The following SPDYE4 variants were observed in gnomAD, a reference collection of about 807,000 sequenced individuals.
SPDYE4 encodes speedy protein E4.
A neutral mutation model predicts 37.5 loss-of-function variants in SPDYE4; 30 were observed. The observed-to-expected ratio is 0.80, with a 90% confidence interval of 0.60 to 1.09. The LOEUF is 1.09. SPDYE4 is among the 50% of genes least tolerant of loss of function. The pLI is 0.00. For missense variants in SPDYE4, 300 were observed against 307.9 expected (o/e 0.97, Z 0.19); for synonymous variants, 131 against 120.3 (o/e 1.09, Z -0.58).
chr17:8,752,464 C>T (rs753231142), intron 6 of SPDYE4, among the ~76,000 whole-genome samples: 5 of 152,130 alleles, frequency 3.3e-5, no homozygotes, highest in African/African-American at 4.8e-5. Flanking sequence ...CAAGGTTAGC[C>T]CCAGTGATCT....
rs866484055 is a variant in SPDYE4 at position 8,757,329 on chromosome 17, C to T, written c.273G>A (p.Met91Ile). Residue 91 changes from methionine (M) to isoleucine (I), a missense_variant, in exon 2 of 7, where the codon ATG becomes ATA. Transcript: ENST00000689094. ...AGGATGCTCGCTTTCGCTTCAGCTT[C>T]ATCTTGAGCCCACACAGCGTCTCCA... ...WVVETLCGLK[M>I]KLKRKRASSV... 2.5e-6 allele frequency: 4 copies of T among 1,602,456 alleles called. No individual in the cohort carries two copies. In the East Asian group the frequency reaches 6.7e-5, roughly 27 times the overall value.
intron 3 of SPDYE4, among the ~76,000 whole-genome samples, 200 bp downstream of exon 3, chr17:8,756,178 C>T (rs1364693924): frequency 6.6e-6 from 1 of 152,156 alleles, no homozygotes; most frequent in Admixed American, 6.5e-5. Context: ...ATGATGGCAA[C>T]ACTGCATTCC....
intron 1 of SPDYE4, among the ~76,000 whole-genome samples, 180 bp downstream of exon 1, chr17:8,758,094 C>T (rs2086789470): frequency 6.6e-6 from 1 of 152,268 alleles, no homozygotes; most frequent in South Asian, 2.1e-4. Context: ...CCCAGACTTT[C>T]TTTACACGTG....
In SPDYE4 at chr17:8,754,671, C is replaced by T. The variant is rs555199665; in HGVS notation, c.485+849G>A. ...TTTGGGGAAAAGGAGGGCAGATAAA[C>T]GAATCCAAAATGTCACATTATCCTA... On this transcript the variant is annotated intron_variant, in intron 4 of 6. Coordinates refer to ENST00000689094, the MANE Select transcript of SPDYE4 (RefSeq NM_001394956.1). 1.2e-4 allele frequency among the ~76,000 whole-genome samples: 18 copies of T among 152,276 alleles called. No individual in the cohort carries two copies. The South Asian group carries it at 1.5e-3, about 12-fold the overall frequency.
rs968506957 is a variant in SPDYE4 at position 8,757,330 on chromosome 17, A to T, written c.272T>A (p.Met91Lys). ...WVVETLCGLKMKLKRKRASSV... is the reference protein window; with the variant it reads ...WVVETLCGLKKKLKRKRASSV... Reference sequence around the variant, plus strand: ...GGATGCTCGCTTTCGCTTCAGCTTCATCTTGAGCCCACACAGCGTCTCCAC... The same window carrying T: ...GGATGCTCGCTTTCGCTTCAGCTTCTTCTTGAGCCCACACAGCGTCTCCAC... The change falls in exon 2 of 7, where the codon ATG becomes AAG. Residue 91 changes from methionine to lysine, a missense_variant. Coordinates refer to ENST00000689094, the MANE Select transcript of SPDYE4 (RefSeq NM_001394956.1). 7 of 1,602,576 alleles carry T rather than the reference A, an allele frequency of 4.4e-6. No individual in the cohort carries two copies. Among genetic ancestry groups the T allele is most frequent in the Non-Finnish European group, 6.0e-6 (7 of 1,174,438 alleles).
At position 8,756,369 on chromosome 17, in the gene SPDYE4, C is replaced by G. The variant is rs34855981; in HGVS notation, c.399+9G>C. 1 of 1,613,472 alleles carries G rather than the reference C, an allele frequency of 6.2e-7. No homozygotes were observed. Among genetic ancestry groups the G allele is most frequent in the African/African-American group, 1.3e-5 (1 of 74,902 alleles). On this transcript the variant is annotated intron_variant, in intron 3 of 6. Coordinates refer to ENST00000689094, the MANE Select transcript of SPDYE4 (RefSeq NM_001394956.1). ...AGCAGGAACACAGTTGAGTGGAGAA[C>G]AACCTTACCTTGTCTGACACCCTCA...
chr17:8,755,595 G>C lies in SPDYE4; in HGVS notation c.410C>G (p.Ala137Gly). Residue 137 changes from alanine (A) to glycine (G), a missense_variant, in exon 4 of 7, where the codon GCT becomes GGT. Physicochemically the swap from Ala to Gly is moderately conservative, Grantham distance 60 (BLOSUM62 0). Transcript: ENST00000689094. ...DLRVSDKYLL[A>G]MVIAYFSRAG... ...ACGGCTAAAATACGCTATGACCATAGCCAGGAGATACTGATGGAGAGAAGG... is the reference window on the plus strand; with the variant it reads ...ACGGCTAAAATACGCTATGACCATACCCAGGAGATACTGATGGAGAGAAGG... 6.2e-7 allele frequency: 1 copy of C among 1,612,750 alleles called. No homozygotes were observed. Among genetic ancestry groups the C allele is most frequent in the Non-Finnish European group, 8.5e-7 (1 of 1,179,228 alleles).
At position 8,758,496 on chromosome 17, in the gene SPDYE4, G is replaced by T; in HGVS notation, c.-114C>A. 2 of 1,026,840 alleles carry T rather than the reference G, an allele frequency of 1.9e-6. No homozygotes were observed. The highest frequency in any genetic ancestry group is 2.9e-6 in the Non-Finnish European group (2 of 685,300). The allele number at this position is 1,026,840 out of a possible 1,614,324, so 63.6% of individuals were successfully genotyped here. A position where few individuals can be genotyped will look rare whatever the true frequency, so the allele number is the denominator to read the frequency against. ...GAGTGCGTTTCTCTTCTAGAGGCTCGGGAGAAGTTAGGAGTGAAGAGTAGT... is the reference window on the plus strand; with the variant it reads ...GAGTGCGTTTCTCTTCTAGAGGCTCTGGAGAAGTTAGGAGTGAAGAGTAGT... On this transcript the variant is annotated 5_prime_UTR_variant, in exon 1 of 7. Coordinates refer to ENST00000689094, the MANE Select transcript of SPDYE4 (RefSeq NM_001394956.1).
chr17:8,755,443 T>C, intron 4 of SPDYE4, 77 bp downstream of exon 4: 1 of 1,491,834 alleles, frequency 6.7e-7, no homozygotes, highest in Non-Finnish European at 9.2e-7. Flanking sequence ...AAAAAATAGA[T>C]GGAAGGTTGG....
intron 2 of SPDYE4, 29 bp downstream of exon 2, chr17:8,757,233 T>A (rs1321112264): frequency 6.3e-7 from 1 of 1,575,404 alleles, no homozygotes; most frequent in Admixed American, 1.8e-5. Context: ...AGAACAGGGT[T>A]GGAGGTGCTT....
intron 1 of SPDYE4, 89 bp downstream of exon 1, chr17:8,758,185 T>C: frequency 8.9e-7 from 1 of 1,121,886 alleles, no homozygotes; most frequent in Non-Finnish European, 1.3e-6. Flanking sequence ...CCACACACCC[T>C]ACTCAGGTGC....
intron 1 of SPDYE4, 130 bp from the exon 2 acceptor site, chr17:8,757,622 T>C (rs2086784749): frequency 1.2e-6 from 1 of 855,976 alleles, no homozygotes; most frequent in Admixed American, 3.0e-5. Flanking sequence ...CCAAGCCATG[T>C]TTCCACCTTT....
At position 8,758,441 on chromosome 17, in the gene SPDYE4, CCTT is replaced by C. The variant is rs1235101357; in HGVS notation, c.-62_-60del. 2 of 1,483,248 alleles carry C rather than the reference CCTT, an allele frequency of 1.3e-6. No individual in the cohort carries two copies. Among genetic ancestry groups the C allele is most frequent in the African/African-American group, 2.8e-5 (2 of 71,792 alleles). The allele number at this position is 1,483,248 out of a possible 1,614,324, so 91.9% of individuals were successfully genotyped here. A position where few individuals can be genotyped will look rare whatever the true frequency, so the allele number is the denominator to read the frequency against. ...AACCTAGTCCCTGTTCTGTCCAAAGCCTTCTTCCAGACTCCGTTAGGACCCAGA... is the reference window on the plus strand; with the variant it reads ...AACCTAGTCCCTGTTCTGTCCAAAGCCTTCCAGACTCCGTTAGGACCCAGA... On this transcript the variant is annotated 5_prime_UTR_variant, in exon 1 of 7. Transcript: ENST00000689094.
downstream of SPDYE4, among the ~76,000 whole-genome samples, chr17:8,749,390 A>C (rs1242664721): frequency 6.6e-6 from 1 of 151,856 alleles, no homozygotes; most frequent in African/African-American, 2.4e-5. Flanking sequence ...CAGCCTCCTG[A>C]GTAGCTGGGA....
At chr17:8,753,580 T>C in intron 4 of SPDYE4, 91 bp from the exon 5 acceptor site, 1 of 1,480,042 alleles carries the variant, frequency 6.8e-7, no homozygotes, top group Admixed American at 2.0e-5. Flanking sequence ...GCAGGGGACC[T>C]TCCTCAGCTC....
chr17:8,758,136 T>A, intron 1 of SPDYE4, 138 bp downstream of exon 1: 1 of 723,072 alleles, frequency 1.4e-6, no homozygotes, highest in Non-Finnish European at 2.2e-6. Context: ...TGCACCCTCC[T>A]TCCCCGATCC....
At chr17:8,750,538 G>A (rs1323540660), downstream of SPDYE4, among the ~76,000 whole-genome samples, 5 of 152,240 alleles carry the variant, frequency 3.3e-5, no homozygotes, top group South Asian at 2.1e-4. Flanking sequence ...GTGAAACCCC[G>A]TTTCTGCTAA....
In SPDYE4 at chr17:8,757,337, G is replaced by A; in HGVS notation, c.265C>T (p.Leu89Phe). The change falls in exon 2 of 7, where the codon CTC becomes TTC. Residue 89 changes from leucine (L) to phenylalanine (F), a missense_variant. Physicochemically the swap from Leu to Phe is conservative, Grantham distance 22 (BLOSUM62 0). Coordinates refer to ENST00000689094, the MANE Select transcript of SPDYE4 (RefSeq NM_001394956.1). ...CGCTTTCGCTTCAGCTTCATCTTGA[G>A]CCCACACAGCGTCTCCACCACCCAG... ...DTWVVETLCG[L>F]KMKLKRKRAS... 3 of 1,601,062 alleles carry A rather than the reference G, an allele frequency of 1.9e-6. No individual in the cohort carries two copies. Among genetic ancestry groups the A allele is most frequent in the Non-Finnish European group, 2.6e-6 (3 of 1,173,560 alleles).
chr17:8,747,954 CA>C (rs2086701803), downstream of SPDYE4, among the ~76,000 whole-genome samples: 1 of 152,210 alleles, frequency 6.6e-6, no homozygotes, highest in Admixed American at 6.5e-5. Flanking sequence ...GCACTTCTTA[CA>C]TGGTGGTGGC....
Sources: gnomAD v4.1 joint callset for allele counts (sites outside exome capture counted in the v4.1 genomes callset) on GRCh38, gnomAD v4.1.1 for gene constraint, MANE v1.5 for transcripts, NCBI Gene and HGNC (gene_info 2026-07-23, HGNC 2026-07-21) for gene names.